Variants in SLC9A9 observed in about 807,000 individuals in gnomAD.
SLC9A9 encodes the protein sodium/hydrogen exchanger 9.
SLC9A9 carries 62 observed loss-of-function variants against 77.8 expected under a neutral mutation model. The observed-to-expected ratio is 0.80, with a 90% CI of 0.65 to 0.98. The LOEUF (loss-of-function observed/expected upper bound fraction) is 0.98. Ranked by LOEUF, SLC9A9 falls within the 50% of genes least tolerant of loss-of-function variation. SLC9A9 has a pLI of 0.00. For synonymous variants in SLC9A9, 320 were observed against 283.5 expected (o/e 1.13, Z -1.29); for missense variants, 775 against 774.9 (o/e 1.00, Z 0.00).
At chr3:143,787,151 C>T (rs759460232) in intron 4 of SLC9A9, among the ~76,000 whole-genome samples, 2 of 152,116 alleles carry the variant, frequency 1.3e-5, no homozygotes, top group East Asian at 1.9e-4. Context: ...ATCAGAGTTT[C>T]CCAGAAATGG....
chr3:143,519,424 G>T (rs59810883), intron 9 of SLC9A9, among the ~76,000 whole-genome samples: 4,774 of 152,286 alleles, frequency 0.031, 257 homozygotes, highest in African/African-American at 0.11. Context: ...AACCTAGAAA[G>T]GTTGGAGCAA....
At position 143,295,448 on chromosome 3, in the gene SLC9A9, G is replaced by C. The variant is rs547755387; in HGVS notation, c.1605-26468C>G. 1.7e-4 allele frequency among the ~76,000 whole-genome samples: 26 copies of C among 152,254 alleles called. No homozygotes were observed. In the South Asian group the frequency reaches 5.4e-3, roughly 32 times the overall value. On this transcript the variant is annotated intron_variant, in intron 14 of 15. Coordinates refer to ENST00000316549, the MANE Select transcript of SLC9A9 (RefSeq NM_173653.4). ...TCCAGTAATCAGGTCTATGATCTTG[G>C]GCTAGCGCATTAACCACTCTGAACC...
At chr3:143,485,538 A>T (rs977404745) in intron 11 of SLC9A9, among the ~76,000 whole-genome samples, 74 of 152,308 alleles carry the variant, frequency 4.9e-4, no homozygotes, top group African/African-American at 1.7e-3. Context: ...TTTCTATCTC[A>T]GGCTGATTCC....
At chr3:143,477,347 TCCCC>T (rs1553758985) in intron 11 of SLC9A9, among the ~76,000 whole-genome samples, 1 of 103,046 alleles carries the variant, frequency 9.7e-6, no homozygotes, top group Admixed American at 1.0e-4. Flanking sequence ...TTTTTTTTTT[TCCCC>T]CTCCCCCCGC....
At chr3:143,359,070 T>G (rs528825861) in intron 14 of SLC9A9, among the ~76,000 whole-genome samples, 1 of 151,746 alleles carries the variant, frequency 6.6e-6, no homozygotes, top group South Asian at 2.1e-4. Flanking sequence ...AACATTAATA[T>G]TATCCACTCT....
At chr3:143,734,236 T>A (rs1179276683) in intron 4 of SLC9A9, among the ~76,000 whole-genome samples, 1 of 151,816 alleles carries the variant, frequency 6.6e-6, no homozygotes, top group East Asian at 1.9e-4. Flanking sequence ...AAGAAAACCT[T>A]GAATTGAAAC....
intron 4 of SLC9A9, 111 bp downstream of exon 4, chr3:143,794,890 C>CT (rs2008331772): frequency 1.0e-6 from 1 of 1,000,184 alleles, no homozygotes; most frequent in African/African-American, 1.6e-5. Context: ...ATGTGATATA[C>CT]TAAAAAAAAG....
At chr3:143,692,620 C>A (rs1933506043) in intron 5 of SLC9A9, among the ~76,000 whole-genome samples, 1 of 152,088 alleles carries the variant, frequency 6.6e-6, no homozygotes, top group Non-Finnish European at 1.5e-5. Context: ...TATCTTTAAA[C>A]AACTTAATTT....
At position 143,703,555 on chromosome 3, in the gene SLC9A9, T is replaced by C. The variant is rs1327547201; in HGVS notation, c.534-10248A>G. Among the ~76,000 whole-genome samples, 3 of 151,982 alleles carry C rather than the reference T, an allele frequency of 2.0e-5. No individual in the cohort carries two copies. The East Asian group carries it at 5.8e-4, about 29-fold the overall frequency. On this transcript the variant is annotated intron_variant, in intron 4 of 15. Coordinates refer to ENST00000316549, the MANE Select transcript of SLC9A9 (RefSeq NM_173653.4). ...ACAAAACATACCAAAATCTATGGAA[T>C]ACAGCAAAAGCAGTACTAAGCAGGA...
chr3:143,540,459 C>T (rs1471327253), intron 9 of SLC9A9, among the ~76,000 whole-genome samples: 2 of 152,106 alleles, frequency 1.3e-5, no homozygotes, highest in East Asian at 1.9e-4. Flanking sequence ...TGGTGATCTG[C>T]AGGAACGGAG....
chr3:143,440,035 C>T (rs1337450934), intron 12 of SLC9A9, among the ~76,000 whole-genome samples: 1 of 152,222 alleles, frequency 6.6e-6, no homozygotes, highest in Non-Finnish European at 1.5e-5. Flanking sequence ...CCAATGCATA[C>T]TACATTGTTT....
intron 2 of SLC9A9, among the ~76,000 whole-genome samples, chr3:143,820,520 T>C (rs925280559): frequency 2.0e-5 from 3 of 152,234 alleles, no homozygotes; most frequent in Non-Finnish European, 4.4e-5. Context: ...TCTCATTTTC[T>C]GCACACTTGG....
intron 12 of SLC9A9, among the ~76,000 whole-genome samples, chr3:143,423,210 C>CT (rs1456040268): frequency 9.9e-6 from 1 of 101,174 alleles, no homozygotes; most frequent in African/African-American, 3.6e-5. Context: ...TACCCTCACA[C>CT]ACACGTACAC....
At chr3:143,487,391 A>G (rs2035671176) in intron 11 of SLC9A9, among the ~76,000 whole-genome samples, 1 of 151,872 alleles carries the variant, frequency 6.6e-6, no homozygotes, top group Non-Finnish European at 1.5e-5. Flanking sequence ...TAAGTAAGGG[A>G]ATAGAAAACA....
intron 1 of SLC9A9, among the ~76,000 whole-genome samples, chr3:143,837,268 T>C (rs1235188409): frequency 6.6e-6 from 1 of 152,164 alleles, no homozygotes; most frequent in African/African-American, 2.4e-5. Context: ...GGAGCAGAGC[T>C]TCCCCAGAGT....
At chr3:143,350,577 C>A (rs369406154) in intron 14 of SLC9A9, among the ~76,000 whole-genome samples, 2 of 152,138 alleles carry the variant, frequency 1.3e-5, no homozygotes, top group African/African-American at 4.8e-5. Context: ...TTACTTGTGA[C>A]CTTTGCTTTG....
intron 11 of SLC9A9, among the ~76,000 whole-genome samples, chr3:143,484,497 C>T (rs1008870384): frequency 3.3e-5 from 5 of 152,166 alleles, no homozygotes; most frequent in Admixed American, 3.3e-4. Context: ...AGAAATACCA[C>T]CCTGCGTGTG....
At position 143,489,638 on chromosome 3, in the gene SLC9A9, TA is replaced by T. The variant is rs918010728; in HGVS notation, c.1315+4014del. On this transcript the variant is annotated intron_variant, in intron 11 of 15. Transcript: ENST00000316549. ...GGCAATAATTTCTTAGCTAGGACTC[TA>T]AAAGCACAGGCAACAAAAGAAAAAA... Among the ~76,000 whole-genome samples the T allele has an allele frequency of 7.5e-4, 114 of 152,076 alleles. 1 individual carries two copies. Among genetic ancestry groups the T allele is most frequent in the African/African-American group, 2.7e-3 (112 of 41,552 alleles).
At chr3:143,782,823 C>T (rs936964692) in intron 4 of SLC9A9, among the ~76,000 whole-genome samples, 1 of 152,136 alleles carries the variant, frequency 6.6e-6, no homozygotes, top group African/African-American at 2.4e-5. Flanking sequence ...AGGGAACATA[C>T]AAAAGGATGG....
Sources: gnomAD v4.1 joint callset for allele counts (sites outside exome capture counted in the v4.1 genomes callset) on GRCh38, gnomAD v4.1.1 for gene constraint, MANE v1.5 for transcripts, NCBI Gene and HGNC (gene_info 2026-07-23, HGNC 2026-07-21) for gene names.